The following ANKS1A variants were observed in gnomAD, a reference collection of about 807,000 sequenced individuals.
The protein encoded by ANKS1A is ankyrin repeat and sterile alpha motif domain containing 1A.
ANKS1A carries 55 observed loss-of-function variants against 120.3 expected under a neutral mutation model. That is an observed-to-expected ratio of 0.46 (90% CI 0.37 to 0.57). The LOEUF (loss-of-function observed/expected upper bound fraction) is 0.57, where lower values mean the gene tolerates loss of function less well. Ranked by LOEUF, ANKS1A falls within the 20% of genes least tolerant of loss-of-function variation. The pLI is 0.00. For synonymous variants in ANKS1A, 590 were observed against 604.7 expected, an observed-to-expected ratio of 0.98 and a Z score of 0.36; for missense variants, 1,123 against 1,480.3, an observed-to-expected ratio of 0.76 and a Z score of 3.96.
At chr6:34,985,382 T>C in intron 8 of ANKS1A, 104 bp downstream of exon 8, 1 of 1,191,816 alleles carries the variant, frequency 8.4e-7, no homozygotes, top group South Asian at 1.5e-5. Flanking sequence ...TGCCAGCTCA[T>C]GTTTCCGGGG....
chr6:34,979,413 A>G (rs554943218), intron 3 of ANKS1A, among the ~76,000 whole-genome samples: 10 of 152,332 alleles, frequency 6.6e-5, no homozygotes, highest in Non-Finnish European at 1.5e-4. Flanking sequence ...AACCTAAGTA[A>G]GATGCTCCCT....
At chr6:35,067,336 T>TA (rs943523574) in intron 13 of ANKS1A, among the ~76,000 whole-genome samples, 3 of 152,126 alleles carry the variant, frequency 2.0e-5, no homozygotes, top group African/African-American at 7.2e-5. Flanking sequence ...CCATGGCCAT[T>TA]ATAGCCCCAG....
At chr6:35,027,349 A>G (rs992980236) in intron 11 of ANKS1A, among the ~76,000 whole-genome samples, 6 of 152,168 alleles carry the variant, frequency 3.9e-5, no homozygotes, top group Non-Finnish European at 7.4e-5. Context: ...GCCCATAGGT[A>G]ATTACAACCA....
chr6:34,985,361 G>A, intron 8 of ANKS1A, 83 bp downstream of exon 8: 2 of 1,355,750 alleles, frequency 1.5e-6, no homozygotes, highest in African/African-American at 1.5e-5. Flanking sequence ...GAAGGGAAGT[G>A]TGATCCCTGG....
chr6:34,975,650 A>G (rs1771534344), intron 3 of ANKS1A, among the ~76,000 whole-genome samples: 1 of 151,730 alleles, frequency 6.6e-6, no homozygotes, highest in South Asian at 2.1e-4. Context: ...CTGTATCCCA[A>G]ATTCTCAGGA....
chr6:34,951,706 T>A (rs1770100736), intron 1 of ANKS1A, among the ~76,000 whole-genome samples: 1 of 152,210 alleles, frequency 6.6e-6, no homozygotes, highest in Admixed American at 6.5e-5. Flanking sequence ...AAAATAATCA[T>A]CTTAAATAAT....
intron 3 of ANKS1A, among the ~76,000 whole-genome samples, chr6:34,973,447 G>A (rs1771285118): frequency 6.6e-6 from 1 of 152,176 alleles, no homozygotes; most frequent in South Asian, 2.1e-4. Flanking sequence ...CTTGTTCATT[G>A]GGTGATGGTG....
rs1245411897 is a variant in ANKS1A at position 34,982,783 on chromosome 6, C to T, written c.764C>T (p.Ala255Val). Reference protein sequence around the residue: ...TEMGSALHEAALFGKTDVVQI... With the variant: ...TEMGSALHEAVLFGKTDVVQI... ...ATGGGCAGTGCTTTGCATGAGGCTG[C>T]TTTGTTTGGCAAGACCGATGTGGTG... Residue 255 changes from alanine to valine, a missense_variant, in exon 5 of 24, where the codon GCT (alanine) becomes GTT (valine). By Grantham distance (64) the Ala-to-Val change is moderately conservative (BLOSUM62 0). Transcript: ENST00000360359. This position sits in a 1 kb window ranked among gnomAD's most constrained non-coding sequence, Gnocchi z 4.9. The T allele has an allele frequency of 1.9e-6, 3 of 1,614,236 alleles. No individual in the cohort carries two copies. The highest frequency in any genetic ancestry group is 2.5e-6 in the Non-Finnish European group (3 of 1,180,042).
intron 1 of ANKS1A, among the ~76,000 whole-genome samples, chr6:34,935,528 T>A (rs1481948011): frequency 1.3e-5 from 2 of 152,222 alleles, no homozygotes; most frequent in African/African-American, 2.4e-5. Flanking sequence ...GTACTTGAAA[T>A]ATGAGAAAGG....
intron 13 of ANKS1A, among the ~76,000 whole-genome samples, chr6:35,062,344 G>A (rs568382705): frequency 3.3e-5 from 5 of 152,366 alleles, no homozygotes; most frequent in African/African-American, 9.6e-5. Context: ...CAGGTGGGCT[G>A]TCAGGCAAAT....
chr6:34,938,091 T>A (rs983543983), intron 1 of ANKS1A, among the ~76,000 whole-genome samples: 2 of 152,224 alleles, frequency 1.3e-5, no homozygotes, highest in Non-Finnish European at 2.9e-5. Context: ...AGGTCTGATA[T>A]GTCATTTATT....
At chr6:35,052,234 G>A (rs1561940524) in intron 11 of ANKS1A, among the ~76,000 whole-genome samples, 1 of 152,112 alleles carries the variant, frequency 6.6e-6, no homozygotes, top group Non-Finnish European at 1.5e-5. Context: ...GATCACTTGA[G>A]TCCAACAGTT....
chr6:35,090,975 C>G lies in ANKS1A; in HGVS notation c.*2366C>G. ...CCAGCGTCAGACACTAATGGGAGTTCCCGAGATGCTCGGGTTTGAGCAGGG... is the reference window on the plus strand; with the variant it reads ...CCAGCGTCAGACACTAATGGGAGTTGCCGAGATGCTCGGGTTTGAGCAGGG... On this transcript the variant is annotated 3_prime_UTR_variant, in exon 24 of 24. Coordinates refer to ENST00000360359, the MANE Select transcript of ANKS1A (RefSeq NM_015245.3). The G allele has an allele frequency of 4.1e-6, 4 of 985,878 alleles. No individual in the cohort carries two copies. The highest frequency in any genetic ancestry group is 4.8e-6 in the Non-Finnish European group (4 of 829,978). 61.1% of individuals were successfully genotyped at this position (985,878 alleles called of 1,614,324 possible).
At chr6:34,936,158 GT>G (rs1054653984) in intron 1 of ANKS1A, among the ~76,000 whole-genome samples, 8 of 151,678 alleles carry the variant, frequency 5.3e-5, no homozygotes, top group Non-Finnish European at 1.2e-4. Flanking sequence ...TCAGGAACTT[GT>G]TTTAGAGTGC....
intron 13 of ANKS1A, among the ~76,000 whole-genome samples, chr6:35,062,850 G>C (rs867156659): frequency 6.6e-6 from 1 of 152,262 alleles, no homozygotes; most frequent in Middle Eastern, 3.4e-3. Flanking sequence ...TCTTTGCATT[G>C]TACTGGCTGA....
chr6:34,908,114 G>T (rs1304910514), intron 1 of ANKS1A, among the ~76,000 whole-genome samples: 1 of 152,192 alleles, frequency 6.6e-6, no homozygotes, highest in African/African-American at 2.4e-5. Flanking sequence ...CCTCCTTTTA[G>T]TTACTCAGCC....
intron 1 of ANKS1A, among the ~76,000 whole-genome samples, chr6:34,901,414 T>C (rs935671891): frequency 1.3e-5 from 2 of 152,234 alleles, no homozygotes; most frequent in African/African-American, 4.8e-5. Context: ...GGTACTTTAA[T>C]CTTCACAATC....
chr6:34,976,784 G>A (rs928053170), intron 3 of ANKS1A, among the ~76,000 whole-genome samples: 4 of 149,654 alleles, frequency 2.7e-5, no homozygotes, highest in Non-Finnish European at 4.4e-5. Flanking sequence ...GTGCGTGTGT[G>A]TGTGTGTGTG....
intron 11 of ANKS1A, among the ~76,000 whole-genome samples, chr6:35,051,817 G>C (rs1456106689): frequency 6.6e-6 from 1 of 152,182 alleles, no homozygotes; most frequent in Non-Finnish European, 1.5e-5. Context: ...ATAAGTGTAA[G>C]TAAAAATATT....
Sources: allele counts gnomAD v4.1 joint callset (sites outside exome capture counted in the v4.1 genomes callset), GRCh38; gene constraint gnomAD v4.1.1; non-coding constraint Gnocchi (gnomAD v3.1); transcripts MANE v1.5; gene names NCBI Gene and HGNC (gene_info 2026-07-23, HGNC 2026-07-21).